Variants in DDX10 observed in about 807,000 individuals in gnomAD.
DDX10 encodes the protein probable ATP-dependent RNA helicase DDX10.
DDX10 carries 74 observed loss-of-function variants against 104.3 expected under a neutral mutation model. That is an observed-to-expected ratio of 0.71 (90% confidence interval 0.59 to 0.86). The LOEUF is 0.86. Among genes scored for constraint, DDX10 ranks in the 40% least tolerant of loss-of-function variants. DDX10 has a pLI of 0.00. For synonymous variants in DDX10, 351 were observed against 353.4 expected (o/e 0.99, Z 0.08); for missense variants, 952 against 1,040.0 (o/e 0.92, Z 1.16).
intron 13 of DDX10, among the ~76,000 whole-genome samples, chr11:108,827,400 C>G (rs1439351940): frequency 1.3e-5 from 2 of 152,100 alleles, no homozygotes; most frequent in Non-Finnish European, 2.9e-5. Context: ...GCCATTGACT[C>G]AAGAAATTAC....
chr11:108,906,095 C>CT (rs1253069817), intron 16 of DDX10, among the ~76,000 whole-genome samples: 2 of 151,990 alleles, frequency 1.3e-5, no homozygotes, highest in African/African-American at 4.8e-5. Flanking sequence ...TATATTAATC[C>CT]TTTTTTTATT....
chr11:108,799,487 C>G (rs1428647030), intron 13 of DDX10, among the ~76,000 whole-genome samples: 3 of 152,260 alleles, frequency 2.0e-5, no homozygotes, highest in Non-Finnish European at 4.4e-5. Flanking sequence ...TCATCTGAAC[C>G]TCACTCAGAC....
At chr11:108,884,381 T>C (rs1280176162) in intron 16 of DDX10, among the ~76,000 whole-genome samples, 1 of 152,136 alleles carries the variant, frequency 6.6e-6, no homozygotes, top group Non-Finnish European at 1.5e-5. Context: ...TCCCCCAGTC[T>C]ACATATGGAC....
intron 9 of DDX10, among the ~76,000 whole-genome samples, chr11:108,701,909 C>T (rs181837397): frequency 1.3e-5 from 2 of 152,244 alleles, no homozygotes; most frequent in Admixed American, 1.3e-4. Context: ...TGGTCTCAAA[C>T]TCCTGACCTC....
intron 15 of DDX10, among the ~76,000 whole-genome samples, chr11:108,849,251 T>A (rs992637579): frequency 6.6e-6 from 1 of 152,160 alleles, no homozygotes; most frequent in Admixed American, 6.5e-5. Context: ...AAAAATAGGT[T>A]ATTCTAACAC....
chr11:108,859,140 C>G (rs1202776390), intron 16 of DDX10, among the ~76,000 whole-genome samples: 1 of 152,196 alleles, frequency 6.6e-6, no homozygotes, highest in African/African-American at 2.4e-5. Context: ...CTCCTTGACT[C>G]TGACCACTGA....
intron 8 of DDX10, among the ~76,000 whole-genome samples, chr11:108,692,613 T>C (rs904444145): frequency 3.9e-5 from 6 of 152,108 alleles, no homozygotes; most frequent in African/African-American, 1.5e-4. Flanking sequence ...TTTATTGTAT[T>C]GTTAATTACA....
At chr11:108,839,368 T>C (rs545261714) in intron 14 of DDX10, among the ~76,000 whole-genome samples, 10 of 152,310 alleles carry the variant, frequency 6.6e-5, no homozygotes, top group African/African-American at 2.4e-4. Flanking sequence ...ACTTACTTTG[T>C]GACTTCAGTC....
intron 13 of DDX10, among the ~76,000 whole-genome samples, chr11:108,787,546 TTC>T (rs1300594480): frequency 6.6e-6 from 1 of 152,126 alleles, no homozygotes; most frequent in African/African-American, 2.4e-5. Context: ...TAATTTTTAA[TTC>T]TTTTTTATTT....
chr11:108,912,552 G>C (rs1288314207), intron 16 of DDX10, among the ~76,000 whole-genome samples: 1 of 152,072 alleles, frequency 6.6e-6, no homozygotes, highest in African/African-American at 2.4e-5. Context: ...TGCTTAAACA[G>C]TTTTCCCTTA....
intron 16 of DDX10, among the ~76,000 whole-genome samples, chr11:108,885,572 A>T (rs944437232): frequency 1.3e-5 from 2 of 151,800 alleles, no homozygotes; most frequent in African/African-American, 4.8e-5. Context: ...ACAGGGTTTC[A>T]CCACGTTGGC....
At chr11:108,745,549 A>G (rs190872876) in intron 13 of DDX10, among the ~76,000 whole-genome samples, 2 of 152,072 alleles carry the variant, frequency 1.3e-5, no homozygotes, top group African/African-American at 4.8e-5. Context: ...GAAAATTTCT[A>G]TTTTACGTTT....
At chr11:108,763,994 A>C (rs532138093) in intron 13 of DDX10, among the ~76,000 whole-genome samples, 1 of 152,316 alleles carries the variant, frequency 6.6e-6, no homozygotes, top group East Asian at 1.9e-4. Flanking sequence ...TGGCCAAGTG[A>C]ATAAAATAAT....
chr11:108,932,741 T>C, intron 17 of DDX10, among the ~76,000 whole-genome samples: 1 of 152,132 alleles, frequency 6.6e-6, no homozygotes, highest in East Asian at 1.9e-4. Flanking sequence ...GAGTTGAGAA[T>C]TTGCTTTTTG....
chr11:108,719,982 T>C (rs2094296288), intron 12 of DDX10, 97 bp downstream of exon 12: 1 of 792,482 alleles, frequency 1.3e-6, no homozygotes, highest in Non-Finnish European at 2.1e-6. Flanking sequence ...TTGCCCAGGC[T>C]GTCTCAAACC....
chr11:108,822,203 C>T, intron 13 of DDX10: 1 of 192,908 alleles, frequency 5.2e-6, no homozygotes, highest in East Asian at 1.6e-4. Context: ...AAAATCAGGA[C>T]TGCCCAACAA....
intron 13 of DDX10, among the ~76,000 whole-genome samples, chr11:108,753,975 T>A (rs1234034840): frequency 6.6e-6 from 1 of 152,052 alleles, no homozygotes; most frequent in East Asian, 1.9e-4. Context: ...GGCTGTCTTT[T>A]CCCTTTAAAA....
At chr11:108,706,707 A>T (rs767470049) in intron 9 of DDX10, 32 bp from the exon 10 acceptor site, 19 of 1,504,724 alleles carry the variant, frequency 1.3e-5, no homozygotes, top group Non-Finnish European at 1.6e-5. Context: ...GATTGCATTG[A>T]TGTGTTAAAG....
intron 13 of DDX10, among the ~76,000 whole-genome samples, chr11:108,785,402 A>ATTGTTG (rs71476029): frequency 1.4e-5 from 2 of 146,150 alleles, no homozygotes; most frequent in African/African-American, 4.9e-5. Flanking sequence ...TGTTGTTGTT[A>ATTGTTG]TTGTTGTTGT....
Sources: allele counts gnomAD v4.1 joint callset (sites outside exome capture counted in the v4.1 genomes callset), GRCh38; gene constraint gnomAD v4.1.1; transcripts MANE v1.5; gene names NCBI Gene and HGNC (gene_info 2026-07-23, HGNC 2026-07-21).